The following GIPC2 variants were observed in gnomAD, a reference collection of about 807,000 sequenced individuals.
The protein encoded by GIPC2 is PDZ domain-containing protein GIPC2.
GIPC2 carries 30 observed loss-of-function variants against 30.6 expected under a neutral mutation model. That is an observed-to-expected ratio of 0.98 (90% CI 0.73 to 1.33). GIPC2 has a LOEUF of 1.33. Among genes scored for constraint, GIPC2 ranks in the 40% most tolerant of loss-of-function variants. The probability of loss-of-function intolerance (pLI) is 0.00; values close to 1 mark genes in which losing one functional copy is unlikely to be tolerated. For missense variants in GIPC2, 414 were observed against 390.3 expected (o/e 1.06, Z -0.51); for synonymous variants, 167 against 150.0 (o/e 1.11, Z -0.83).
chr1:78,131,748 G>A (rs959261533), intron 5 of GIPC2, among the ~76,000 whole-genome samples: 5 of 152,166 alleles, frequency 3.3e-5, no homozygotes, highest in African/African-American at 1.2e-4. Flanking sequence ...AAACCCAGCT[G>A]AGGATGAGAA....
chr1:78,065,529 A>G (rs1487561424), intron 1 of GIPC2, among the ~76,000 whole-genome samples: 1 of 138,820 alleles, frequency 7.2e-6, no homozygotes, highest in African/African-American at 2.5e-5. Context: ...TTCTTCACAG[A>G]ATTAAAAAAA....
At chr1:78,132,160 A>G (rs605659) in intron 5 of GIPC2, among the ~76,000 whole-genome samples, 37,998 of 152,158 alleles carry the variant, frequency 0.25, 5,482 homozygotes, top group East Asian at 0.75. Flanking sequence ...TAATTTTCAC[A>G]TCTATAAAAG....
At chr1:78,100,365 T>C (rs1163027316) in intron 3 of GIPC2, among the ~76,000 whole-genome samples, 5 of 152,208 alleles carry the variant, frequency 3.3e-5, no homozygotes. Context: ...TTTTAATTTT[T>C]TTAGTGCAGA....
intron 1 of GIPC2, among the ~76,000 whole-genome samples, chr1:78,055,641 C>A (rs1464920390): frequency 6.6e-6 from 1 of 152,138 alleles, no homozygotes; most frequent in East Asian, 1.9e-4. Context: ...TGTTTCTTTA[C>A]CTCTCTACTT....
intron 3 of GIPC2, among the ~76,000 whole-genome samples, chr1:78,118,005 C>T (rs1331515613): frequency 6.6e-6 from 1 of 151,628 alleles, no homozygotes; most frequent in Non-Finnish European, 1.5e-5. Flanking sequence ...TCACTGCAGC[C>T]TTGACCACCT....
chr1:78,091,057 C>T (rs1006285255), intron 2 of GIPC2, among the ~76,000 whole-genome samples: 6 of 152,096 alleles, frequency 3.9e-5, no homozygotes, highest in Admixed American at 2.0e-4. Context: ...GGTCAGAAGA[C>T]CTTGGGTTCT....
intron 4 of GIPC2, among the ~76,000 whole-genome samples, chr1:78,120,202 C>T (rs969499460): frequency 1.2e-4 from 19 of 152,220 alleles, no homozygotes. Context: ...CTCAGAATGA[C>T]CAACATGACC....
intron 2 of GIPC2, among the ~76,000 whole-genome samples, chr1:78,085,302 GT>G (rs1252987570): frequency 6.6e-6 from 1 of 152,128 alleles, no homozygotes; most frequent in African/African-American, 2.4e-5. Context: ...GCTGGATTAG[GT>G]TTTTGATGTG....
At chr1:78,097,774 A>G (rs1343423461) in intron 3 of GIPC2, among the ~76,000 whole-genome samples, 1 of 152,250 alleles carries the variant, frequency 6.6e-6, no homozygotes, top group African/African-American at 2.4e-5. Flanking sequence ...TGACAAGGTC[A>G]GGAACCAAGC....
intron 3 of GIPC2, among the ~76,000 whole-genome samples, chr1:78,097,712 A>C (rs891748186): frequency 2.0e-5 from 3 of 152,214 alleles, no homozygotes; most frequent in Admixed American, 1.3e-4. Flanking sequence ...TTTCAGGAGA[A>C]GGCATTTATT....
chr1:78,131,159 T>G (rs1662887894), intron 5 of GIPC2, among the ~76,000 whole-genome samples: 1 of 151,968 alleles, frequency 6.6e-6, no homozygotes, highest in African/African-American at 2.4e-5. Flanking sequence ...TCTTTTTTTC[T>G]CATGTGTTTC....
chr1:78,104,302 G>A (rs1190111891), intron 3 of GIPC2, among the ~76,000 whole-genome samples: 1 of 152,032 alleles, frequency 6.6e-6, no homozygotes, highest in Non-Finnish European at 1.5e-5. Context: ...TGCAAAAGCC[G>A]CTCAGGACCC....
chr1:78,134,581 C>G (rs901913938), intron 5 of GIPC2, among the ~76,000 whole-genome samples: 1 of 152,156 alleles, frequency 6.6e-6, no homozygotes, highest in Non-Finnish European at 1.5e-5. Context: ...TACTTCTGCT[C>G]TGATCCTGGT....
chr1:78,056,480 AC>A (rs1305045100), intron 1 of GIPC2, among the ~76,000 whole-genome samples: 1 of 152,202 alleles, frequency 6.6e-6, no homozygotes, highest in Non-Finnish European at 1.5e-5. Flanking sequence ...TCTCAAAAAA[AC>A]AAAAGAAAAA....
At chr1:78,080,129 G>A (rs745850244) in intron 1 of GIPC2, among the ~76,000 whole-genome samples, 3 of 151,842 alleles carry the variant, frequency 2.0e-5, no homozygotes, top group Non-Finnish European at 4.4e-5. Flanking sequence ...AAATAAAATT[G>A]TCTATATTTA....
intron 2 of GIPC2, among the ~76,000 whole-genome samples, chr1:78,093,607 A>G (rs766898834): frequency 1.3e-5 from 2 of 152,226 alleles, no homozygotes; most frequent in African/African-American, 4.8e-5. Context: ...CCTGATGACA[A>G]TATGACGGAG....
intron 5 of GIPC2, among the ~76,000 whole-genome samples, chr1:78,127,388 A>G (rs1662802193): frequency 6.6e-6 from 1 of 152,208 alleles, no homozygotes. Flanking sequence ...AAACATAACA[A>G]AAAGTGGGTT....
chr1:78,092,519 AT>A (rs1486780657), intron 2 of GIPC2, among the ~76,000 whole-genome samples: 3 of 152,138 alleles, frequency 2.0e-5, no homozygotes, highest in Non-Finnish European at 4.4e-5. Context: ...ATTCCTTTGC[AT>A]CTGATTAGTG....
intron 1 of GIPC2, among the ~76,000 whole-genome samples, chr1:78,067,775 A>G (rs144647531): frequency 1.3e-4 from 20 of 152,108 alleles, no homozygotes; most frequent in Non-Finnish European, 2.6e-4. Context: ...TAATTTTTCT[A>G]TTCTAGACCA....
Sources: gnomAD v4.1 joint callset for allele counts (sites outside exome capture counted in the v4.1 genomes callset) on GRCh38, gnomAD v4.1.1 for gene constraint, MANE v1.5 for transcripts, NCBI Gene and HGNC (gene_info 2026-07-23, HGNC 2026-07-21) for gene names.